The following UBTD2 variants were observed in gnomAD, a reference collection of about 807,000 sequenced individuals.
The protein encoded by UBTD2 is ubiquitin domain-containing protein 2.
A neutral mutation model predicts 19.8 loss-of-function variants in UBTD2; 9 were observed. That is an observed-to-expected ratio of 0.46 (90% CI 0.27 to 0.79). The LOEUF is 0.79. Ranked by LOEUF, UBTD2 falls within the 30% of genes least tolerant of loss-of-function variation. The probability of loss-of-function intolerance (pLI) is 0.14; values close to 1 mark genes in which losing one functional copy is unlikely to be tolerated. For missense variants in UBTD2, 250 were observed against 300.4 expected (o/e 0.83, Z 1.24); for synonymous variants, 98 against 103.9 (o/e 0.94, Z 0.35).
chr5:172,268,315 C>A (rs1755418480), intron 1 of UBTD2, among the ~76,000 whole-genome samples: 1 of 151,926 alleles, frequency 6.6e-6, no homozygotes, highest in Admixed American at 6.6e-5. Context: ...CTAGTTGGAA[C>A]GTAGAAAAAG....
chr5:172,280,938 G>A (rs1755702607), intron 1 of UBTD2, among the ~76,000 whole-genome samples: 4 of 152,186 alleles, frequency 2.6e-5, no homozygotes, highest in Admixed American at 2.6e-4. Context: ...AGGGAAAAAG[G>A]AAAGTATAGT....
In UBTD2 at chr5:172,209,756, G is replaced by C. The variant is rs948453676; in HGVS notation, c.*2074C>G. ...ATATCAATCTATTTACAATTAAACA[G>C]CACCATGGTTTTCCCACCTAGGTTA... On this transcript the variant is annotated 3_prime_UTR_variant, in exon 3 of 3. Transcript: ENST00000393792. The C allele has an allele frequency of 1.3e-4, 19 of 150,914 alleles. No individual in the cohort carries two copies. Among genetic ancestry groups the C allele is most frequent in the Admixed American group, 1.1e-3 (16 of 15,106 alleles). The allele number at this position is 150,914 out of a possible 1,614,324, so 9.3% of individuals were successfully genotyped here.
At chr5:172,235,140 C>G (rs1771982401) in intron 1 of UBTD2, among the ~76,000 whole-genome samples, 1 of 151,772 alleles carries the variant, frequency 6.6e-6, no homozygotes. Context: ...AAAGAACTGC[C>G]TAGAAGGTAA....
rs189397479 is a variant in UBTD2 at position 172,216,451 on chromosome 5, A to C, written c.308-4224T>G. On this transcript the variant is annotated intron_variant, in intron 2 of 2. Coordinates refer to ENST00000393792, the MANE Select transcript of UBTD2 (RefSeq NM_152277.3). ...TTCAGGAAATCAAAGATTAAAAAAA[A>C]AAACAAACAAAAAACTCCTGGCCAG... Among the ~76,000 whole-genome samples, 412 of 151,820 alleles carry C rather than the reference A, an allele frequency of 2.7e-3. 2 individuals are homozygous for C. The highest frequency in any genetic ancestry group is 8.7e-3 in the African/African-American group (360 of 41,496).
chr5:172,270,225 C>T (rs544420001), intron 1 of UBTD2, among the ~76,000 whole-genome samples: 2 of 151,892 alleles, frequency 1.3e-5, no homozygotes, highest in South Asian at 4.2e-4. Flanking sequence ...GGACTACAGG[C>T]ACAGCTACCA....
At chr5:172,260,989 T>C (rs368726364) in intron 1 of UBTD2, among the ~76,000 whole-genome samples, 15 of 152,296 alleles carry the variant, frequency 9.8e-5, no homozygotes, top group East Asian at 9.6e-4. Flanking sequence ...GATCAAAGCC[T>C]TAAAAGCTCT....
intron 1 of UBTD2, chr5:172,242,428 TG>T: frequency 1.0e-6 from 1 of 985,458 alleles, no homozygotes; most frequent in Non-Finnish European, 1.2e-6. Context: ...TGTCATTTGA[TG>T]TAGGCCAGCA....
chr5:172,218,767 C>A (rs1416700174), intron 2 of UBTD2, among the ~76,000 whole-genome samples: 1 of 135,658 alleles, frequency 7.4e-6, no homozygotes, highest in African/African-American at 2.8e-5. Flanking sequence ...AGAGTCAGAC[C>A]CTGTCACCAA....
intron 1 of UBTD2, among the ~76,000 whole-genome samples, chr5:172,268,835 T>C (rs1445634241): frequency 1.2e-4 from 18 of 152,184 alleles, no homozygotes; most frequent in Non-Finnish European, 1.5e-5. Flanking sequence ...TAAATGCTGA[T>C]AAGATCTGAT....
At chr5:172,220,868 A>T (rs1771637010) in intron 2 of UBTD2, among the ~76,000 whole-genome samples, 1 of 152,230 alleles carries the variant, frequency 6.6e-6, no homozygotes, top group Non-Finnish European at 1.5e-5. Context: ...TATGTAAAAA[A>T]TATGAAGAAT....
upstream of UBTD2, chr5:172,284,055 C>G (rs891429219): frequency 6.7e-6 from 1 of 149,776 alleles, no homozygotes; most frequent in African/African-American, 2.4e-5. Context: ...ACCCATCGGC[C>G]CCCGGCCCGC....
intron 1 of UBTD2, among the ~76,000 whole-genome samples, chr5:172,247,664 T>C (rs746897115): frequency 6.6e-6 from 1 of 152,204 alleles, no homozygotes. Context: ...ATAACAAGTA[T>C]ATACAACAGA....
chr5:172,247,470 C>T (rs187364486), intron 1 of UBTD2, among the ~76,000 whole-genome samples: 169 of 152,156 alleles, frequency 1.1e-3, no homozygotes, highest in African/African-American at 4.0e-3. Context: ...TATGATCACA[C>T]CACTGCACTC....
At chr5:172,261,726 G>A (rs1007048605) in intron 1 of UBTD2, among the ~76,000 whole-genome samples, 4 of 152,014 alleles carry the variant, frequency 2.6e-5, no homozygotes, top group Admixed American at 1.3e-4. Flanking sequence ...CCAGATTCAA[G>A]TGATTCTCGT....
intron 1 of UBTD2, among the ~76,000 whole-genome samples, chr5:172,274,135 CTTTTTTTTTTTTT>C (rs555392614): frequency 1.8e-5 from 2 of 108,648 alleles, no homozygotes; most frequent in African/African-American, 7.5e-5. Context: ...TTTTGCTTTA[CTTTTTTTTTTTTT>C]TTTTTTTTTT....
At position 172,209,656 on chromosome 5, in the gene UBTD2, C is replaced by CTTT. The variant is rs3836824; in HGVS notation, c.*2171_*2173dup. 89 of 146,058 alleles carry CTTT rather than the reference C, an allele frequency of 6.1e-4. No individual in the cohort carries two copies. The highest frequency in any genetic ancestry group is 2.1e-3 in the African/African-American group (84 of 39,878). The allele number at this position is 146,058 out of a possible 1,614,324, so 9.0% of individuals were successfully genotyped here. A position where few individuals can be genotyped will look rare whatever the true frequency, so the allele number is the denominator to read the frequency against. On this transcript the variant is annotated 3_prime_UTR_variant, in exon 3 of 3. Transcript: ENST00000393792. Reference sequence around the variant, plus strand: ...GCAAAGACAAAGAGAAAAATTGAACCTTTTTTTTTTTTTTAAAAAAAGCAC... The same window carrying CTTT: ...GCAAAGACAAAGAGAAAAATTGAACCTTTTTTTTTTTTTTTTTAAAAAAAGCAC...
chr5:172,280,573 G>A (rs986499213), intron 1 of UBTD2, among the ~76,000 whole-genome samples: 3 of 150,252 alleles, frequency 2.0e-5, no homozygotes, highest in Admixed American at 1.3e-4. Flanking sequence ...GACTGCCTGA[G>A]CCCAAGAGTT....
At chr5:172,275,055 A>T (rs1755579842) in intron 1 of UBTD2, among the ~76,000 whole-genome samples, 1 of 152,196 alleles carries the variant, frequency 6.6e-6, no homozygotes, top group Non-Finnish European at 1.5e-5. Context: ...GAACTGCCTG[A>T]GACTAGGTAA....
At chr5:172,224,869 AG>A (rs1771733330) in intron 2 of UBTD2, among the ~76,000 whole-genome samples, 1 of 152,262 alleles carries the variant, frequency 6.6e-6, no homozygotes, top group Admixed American at 6.5e-5. Flanking sequence ...ACAAAAGGGA[AG>A]GAACACTCTA....
Sources: allele counts gnomAD v4.1 joint callset (sites outside exome capture counted in the v4.1 genomes callset), GRCh38; gene constraint gnomAD v4.1.1; transcripts MANE v1.5; gene names NCBI Gene and HGNC (gene_info 2026-07-23, HGNC 2026-07-21).